The following ADARB2 variants were observed in gnomAD, a reference collection of about 807,000 sequenced individuals.
ADARB2 encodes adenosine deaminase RNA specific B2 (inactive), also known as inactive double-stranded RNA-specific editase B2.
A neutral mutation model predicts 62.2 loss-of-function variants in ADARB2; 25 were observed. That is an observed-to-expected ratio of 0.40 (90% confidence interval 0.29 to 0.56). The LOEUF is 0.56. ADARB2 is among the 20% of genes least tolerant of loss of function. ADARB2 has a pLI of 0.43. For synonymous variants in ADARB2, 572 were observed against 500.8 expected (o/e 1.14, Z -1.90); for missense variants, 1,071 against 1,077.4 (o/e 0.99, Z 0.08).
chr10:1,355,832 C>T (rs1404199630), intron 3 of ADARB2, among the ~76,000 whole-genome samples: 5 of 152,164 alleles, frequency 3.3e-5, no homozygotes, highest in Non-Finnish European at 7.3e-5. Context: ...ATGTACATTG[C>T]ATAATGTATG....
chr10:1,615,213 TCTGTCTGCCTCCAGGTTCACTCTCCA>T (rs1316254926), intron 1 of ADARB2, among the ~76,000 whole-genome samples: 2 of 152,216 alleles, frequency 1.3e-5, no homozygotes, highest in Admixed American at 1.3e-4. Flanking sequence ...TGCTTAGTGG[TCTGTCTGCCTCCAGGTTCACTCTCCA>T]CTGCCTGCCC....
chr10:1,668,466 C>T (rs575783198), intron 1 of ADARB2, among the ~76,000 whole-genome samples: 11 of 152,288 alleles, frequency 7.2e-5, no homozygotes, highest in Admixed American at 2.0e-4. Context: ...AGTTAAGCAT[C>T]TACAAAGCTT....
At position 1,181,348 on chromosome 10, in the gene ADARB2, C is replaced by T. The variant is rs1836673346; in HGVS notation, c.*1845G>A. ...ACTGGTCGTTTGAGCTTAGCTTTTG[C>T]ACTGAATTAAGATTTCATTTATTTT... On this transcript the variant is annotated 3_prime_UTR_variant, in exon 10 of 10. Transcript: ENST00000381312. 1 of 152,224 alleles carries T rather than the reference C, an allele frequency of 6.6e-6. No homozygotes were observed. The highest frequency in any genetic ancestry group is 6.5e-5 in the Admixed American group (1 of 15,286). 9.4% of individuals were successfully genotyped at this position (152,224 alleles called of 1,614,324 possible).
At position 1,179,232 on chromosome 10, in the gene ADARB2, G is replaced by A. The variant is rs992690523; in HGVS notation, c.*3961C>T. 3.5e-4 allele frequency: 53 copies of A among 151,760 alleles called. No individual in the cohort carries two copies. Among genetic ancestry groups the A allele is most frequent in the African/African-American group, 1.2e-3 (50 of 41,226 alleles). The allele number at this position is 151,760 out of a possible 1,614,324, so 9.4% of individuals were successfully genotyped here. A position where few individuals can be genotyped will look rare whatever the true frequency, so the allele number is the denominator to read the frequency against. On this transcript the variant is annotated 3_prime_UTR_variant, in exon 10 of 10. Transcript: ENST00000381312. Reference sequence around the variant, plus strand: ...TCCAAAAAAAAAAGCATGCGACTTTGTTGATAAGAAAAGCTCCCTGTGAAA... The same window carrying A: ...TCCAAAAAAAAAAGCATGCGACTTTATTGATAAGAAAAGCTCCCTGTGAAA...
intron 1 of ADARB2, among the ~76,000 whole-genome samples, chr10:1,554,498 G>T (rs985837776): frequency 1.3e-5 from 2 of 151,942 alleles, no homozygotes; most frequent in Non-Finnish European, 2.9e-5. Context: ...CCCCCAGCCA[G>T]CATCCCCCCA....
At chr10:1,491,038 AT>A (rs1448242139) in intron 1 of ADARB2, among the ~76,000 whole-genome samples, 1 of 152,078 alleles carries the variant, frequency 6.6e-6, no homozygotes, top group Non-Finnish European at 1.5e-5. Context: ...AGTCCTCACA[AT>A]TTTATAATTT....
At chr10:1,603,472 A>G (rs1484480263) in intron 1 of ADARB2, among the ~76,000 whole-genome samples, 1 of 152,154 alleles carries the variant, frequency 6.6e-6, no homozygotes, top group Non-Finnish European at 1.5e-5. Flanking sequence ...GCTTGTGAAA[A>G]GGATGTCCCC....
At chr10:1,536,027 A>T (rs1050978019) in intron 1 of ADARB2, among the ~76,000 whole-genome samples, 4 of 152,178 alleles carry the variant, frequency 2.6e-5, no homozygotes, top group Non-Finnish European at 4.4e-5. Context: ...AAGAGAACAC[A>T]GAGATCCCGG....
At chr10:1,669,583 C>T (rs910611562) in intron 1 of ADARB2, among the ~76,000 whole-genome samples, 3 of 151,604 alleles carry the variant, frequency 2.0e-5, no homozygotes, top group Non-Finnish European at 4.4e-5. Flanking sequence ...CACACAGACT[C>T]ACTCACAAAC....
chr10:1,183,514 G>A, intron 9 of ADARB2, 145 bp from the exon 10 acceptor site: 1 of 1,022,974 alleles, frequency 9.8e-7, no homozygotes, highest in Non-Finnish European at 1.4e-6. Flanking sequence ...ACTGTGACCA[G>A]GTCCTCTGGC....
chr10:1,478,482 A>C (rs1159511741), intron 1 of ADARB2, among the ~76,000 whole-genome samples: 1 of 152,226 alleles, frequency 6.6e-6, no homozygotes, highest in Non-Finnish European at 1.5e-5. Context: ...ATCTAGACAC[A>C]GACATTGTTG....
At chr10:1,370,152 A>G (rs1014027714) in intron 2 of ADARB2, among the ~76,000 whole-genome samples, 1 of 152,260 alleles carries the variant, frequency 6.6e-6, no homozygotes, top group African/African-American at 2.4e-5. Context: ...ATCCGCATCT[A>G]CAAATCCATA....
At chr10:1,389,711 C>G (rs1832552938) in intron 1 of ADARB2, among the ~76,000 whole-genome samples, 1 of 151,422 alleles carries the variant, frequency 6.6e-6, no homozygotes, top group Non-Finnish European at 1.5e-5. Flanking sequence ...CCACCGCACT[C>G]CAGCCTGGGT....
intron 6 of ADARB2, among the ~76,000 whole-genome samples, chr10:1,219,879 ATGATGG>A (rs1564225028): frequency 3.9e-5 from 5 of 126,714 alleles, no homozygotes; most frequent in African/African-American, 1.2e-4. Flanking sequence ...GGTGGTGGTG[ATGATGG>A]TGATGGTGAT....
chr10:1,619,806 G>GA (rs899813671), intron 1 of ADARB2, among the ~76,000 whole-genome samples: 3 of 151,622 alleles, frequency 2.0e-5, no homozygotes, highest in Admixed American at 6.6e-5. Context: ...TGCTAGATTA[G>GA]AAAAAAAATC....
At chr10:1,277,750 T>A (rs1257092945) in intron 3 of ADARB2, among the ~76,000 whole-genome samples, 1 of 152,142 alleles carries the variant, frequency 6.6e-6, no homozygotes, top group Non-Finnish European at 1.5e-5. Flanking sequence ...CCTAACTCAT[T>A]TTATGAGGCC....
At chr10:1,485,424 G>A (rs1564304544) in intron 1 of ADARB2, among the ~76,000 whole-genome samples, 1 of 152,088 alleles carries the variant, frequency 6.6e-6, no homozygotes, top group African/African-American at 2.4e-5. Flanking sequence ...TGCAGATGCA[G>A]GCAGACATGT....
chr10:1,625,112 C>T (rs1194804586), intron 1 of ADARB2, among the ~76,000 whole-genome samples: 1 of 152,206 alleles, frequency 6.6e-6, no homozygotes, highest in Non-Finnish European at 1.5e-5. Context: ...AACACCTCCA[C>T]AAGTTGTTCA....
chr10:1,400,795 G>A (rs780078600), intron 1 of ADARB2, among the ~76,000 whole-genome samples: 11 of 152,176 alleles, frequency 7.2e-5, no homozygotes, highest in Admixed American at 3.9e-4. Flanking sequence ...GTAAAAAGGC[G>A]TGGCATGTGG....
Sources: gnomAD v4.1 joint callset for allele counts (sites outside exome capture counted in the v4.1 genomes callset) on GRCh38, gnomAD v4.1.1 for gene constraint, MANE v1.5 for transcripts, NCBI Gene and HGNC (gene_info 2026-07-23, HGNC 2026-07-21) for gene names.